The following PTK2 variants were observed in gnomAD, a reference collection of about 807,000 sequenced individuals.
The protein encoded by PTK2 is protein tyrosine kinase 2.
PTK2 carries 45 observed loss-of-function variants against 150.1 expected under a neutral mutation model. The observed-to-expected ratio is 0.30, with a 90% CI of 0.24 to 0.38. PTK2 has a LOEUF of 0.38. PTK2 is among the 10% of genes least tolerant of loss of function. The probability of loss-of-function intolerance (pLI) is 1.00; values close to 1 mark genes in which losing one functional copy is unlikely to be tolerated. For synonymous variants in PTK2, 432 were observed against 449.2 expected, an observed-to-expected ratio of 0.96 and a Z score of 0.48; for missense variants, 919 against 1,307.3, an observed-to-expected ratio of 0.70 and a Z score of 4.58.
intron 2 of PTK2, among the ~76,000 whole-genome samples, chr8:140,914,889 C>T (rs1212339123): frequency 1.3e-5 from 2 of 151,816 alleles, no homozygotes; most frequent in African/African-American, 2.4e-5. Context: ...CAAAATTAGC[C>T]GGGCATAGTG....
intron 7 of PTK2, among the ~76,000 whole-genome samples, chr8:140,843,008 T>C (rs2100123221): frequency 1.3e-5 from 2 of 152,098 alleles, no homozygotes; most frequent in African/African-American, 4.8e-5. Context: ...GCAATTCTCA[T>C]GTTCTCCATT....
intron 1 of PTK2, among the ~76,000 whole-genome samples, chr8:140,945,763 G>A (rs1228632384): frequency 6.6e-6 from 1 of 151,946 alleles, no homozygotes; most frequent in Non-Finnish European, 1.5e-5. Context: ...AATCTAAGAA[G>A]GTAACACAAC....
chr8:140,739,159 C>G lies in PTK2; in HGVS notation c.1736-52G>C, dbSNP rs143237294. The G allele has an allele frequency of 9.9e-4, 1,186 of 1,202,568 alleles. 9 individuals carry two copies. The African/African-American group carries it at 0.016, about 16-fold the overall frequency. The allele number at this position is 1,202,568 out of a possible 1,614,324, so 74.5% of individuals were successfully genotyped here. A position where few individuals can be genotyped will look rare whatever the true frequency, so the allele number is the denominator to read the frequency against. On this transcript the variant is annotated intron_variant, in intron 20 of 31. Coordinates refer to ENST00000522684, the Ensembl canonical transcript of PTK2. Reference sequence around the variant, plus strand: ...TTTTCCTTGTTATCTGCTTAAGAATCTAACAGAGCTAGCTGAGATTTTCAG... The same window carrying G: ...TTTTCCTTGTTATCTGCTTAAGAATGTAACAGAGCTAGCTGAGATTTTCAG...
At chr8:140,805,211 A>G (rs2154598235) in intron 10 of PTK2, among the ~76,000 whole-genome samples, 1 of 152,328 alleles carries the variant, frequency 6.6e-6, no homozygotes, top group East Asian at 1.9e-4. Context: ...CAACATAGTT[A>G]AAAGGGTACT....
At position 140,745,681 on chromosome 8, in the gene PTK2, T is replaced by C. The variant is rs114564444; in HGVS notation, c.1519-914A>G. On this transcript the variant is annotated intron_variant, in intron 18 of 31. Coordinates refer to ENST00000522684, the Ensembl canonical transcript of PTK2. ...TGTATTCTGGAGAAAGTGAGAGAGCTATTCACTCAATTACTCACATTTTTA... is the reference window on the plus strand; with the variant it reads ...TGTATTCTGGAGAAAGTGAGAGAGCCATTCACTCAATTACTCACATTTTTA... 7.4e-3 allele frequency among the ~76,000 whole-genome samples: 1,127 copies of C among 152,252 alleles called. 13 individuals are homozygous for C. Among genetic ancestry groups the C allele is most frequent in the African/African-American group, 0.026 (1,081 of 41,562 alleles).
intron 5 of PTK2, among the ~76,000 whole-genome samples, chr8:140,851,858 C>A (rs1279381463): frequency 1.5e-5 from 2 of 137,804 alleles, no homozygotes; most frequent in African/African-American, 2.7e-5. Flanking sequence ...GACTTTATCT[C>A]AAAAAAAAAA....
chr8:140,856,366 AAAAACAAAACAAAACAAAAC>A (rs74275894), intron 5 of PTK2, among the ~76,000 whole-genome samples: 5 of 150,668 alleles, frequency 3.3e-5, no homozygotes, highest in African/African-American at 9.8e-5. Flanking sequence ...AATAATAGTA[AAAAACAAAACAAAACAAAAC>A]AAAACAAAAC....
intron 3 of PTK2, among the ~76,000 whole-genome samples, chr8:140,888,526 G>A (rs1210542573): frequency 1.3e-5 from 2 of 152,144 alleles, no homozygotes; most frequent in Non-Finnish European, 2.9e-5. Flanking sequence ...TGATCAGATT[G>A]ATCTTCACAA....
At chr8:140,930,559 T>C (rs2100171330) in intron 1 of PTK2, among the ~76,000 whole-genome samples, 1 of 152,218 alleles carries the variant, frequency 6.6e-6, no homozygotes, top group African/African-American at 2.4e-5. Flanking sequence ...AGACTGATGT[T>C]ATATTTTTAC....
chr8:140,813,916 AT>A (rs2100103115), intron 10 of PTK2, among the ~76,000 whole-genome samples: 1 of 152,148 alleles, frequency 6.6e-6, no homozygotes, highest in Non-Finnish European at 1.5e-5. Flanking sequence ...CACTACCCAG[AT>A]TAATAAAGAA....
intron 27 of PTK2, 110 bp from the exon 31 acceptor site, chr8:140,675,609 T>G: frequency 2.5e-6 from 2 of 795,144 alleles, no homozygotes; most frequent in Non-Finnish European, 4.2e-6. Context: ...TAGATTCTAG[T>G]GTATCAAAAT....
At chr8:140,752,177 G>A in intron 17 of PTK2, 55 bp downstream of exon 20, 1 of 1,382,190 alleles carries the variant, frequency 7.2e-7, no homozygotes, top group East Asian at 2.3e-5. Flanking sequence ...GAGACAGTTT[G>A]GATTTCACAG....
chr8:140,661,320 C>T (rs879592442), intron 31 of PTK2, among the ~76,000 whole-genome samples: 1 of 152,142 alleles, frequency 6.6e-6, no homozygotes, highest in South Asian at 2.1e-4. Flanking sequence ...ATCTAAGAGG[C>T]CATCTTCAGA....
intron 12 of PTK2, among the ~76,000 whole-genome samples, chr8:140,795,189 G>C (rs2100090867): frequency 6.6e-6 from 1 of 152,118 alleles, no homozygotes; most frequent in Non-Finnish European, 1.5e-5. Flanking sequence ...ACCTACCATG[G>C]TCTATTCTCA....
At chr8:140,726,769 A>G (rs2100046098) in intron 22 of PTK2, among the ~76,000 whole-genome samples, 1 of 152,262 alleles carries the variant, frequency 6.6e-6, no homozygotes, top group African/African-American at 2.4e-5. Flanking sequence ...ATGGGAAACC[A>G]AATGGAAATA....
At chr8:140,957,985 C>T (rs1184717923) in intron 1 of PTK2, among the ~76,000 whole-genome samples, 1 of 152,178 alleles carries the variant, frequency 6.6e-6, no homozygotes, top group Non-Finnish European at 1.5e-5. Flanking sequence ...GATTTTATTT[C>T]ATTTATCTCT....
intron 27 of PTK2, among the ~76,000 whole-genome samples, 167 bp downstream of exon 30, chr8:140,686,465 T>C (rs1346017654): frequency 2.6e-5 from 4 of 152,166 alleles, no homozygotes; most frequent in African/African-American, 7.2e-5. Context: ...TGAATAAAAA[T>C]TCTAGGCTGT....
chr8:140,932,465 A>G (rs1472439592), intron 1 of PTK2, among the ~76,000 whole-genome samples: 1 of 151,936 alleles, frequency 6.6e-6, no homozygotes, highest in Non-Finnish European at 1.5e-5. Flanking sequence ...ATCCACCCGC[A>G]TCAGCCTCCC....
At chr8:140,939,111 A>C (rs1035601511) in intron 1 of PTK2, among the ~76,000 whole-genome samples, 1 of 152,170 alleles carries the variant, frequency 6.6e-6, no homozygotes, top group African/African-American at 2.4e-5. Context: ...CAAACAAAGG[A>C]TACATCTTCT....
Sources: gnomAD v4.1 joint callset for allele counts (sites outside exome capture counted in the v4.1 genomes callset) on GRCh38, gnomAD v4.1.1 for gene constraint, MANE v1.5 for transcripts, NCBI Gene and HGNC (gene_info 2026-07-23, HGNC 2026-07-21) for gene names.